SLC9C1: variants seen among roughly 807,000 people sequenced by gnomAD.
The protein encoded by SLC9C1 is solute carrier family 9 member C1.
A neutral mutation model predicts 140.9 loss-of-function variants in SLC9C1; 97 were observed. That is an observed-to-expected ratio of 0.69 (90% CI 0.58 to 0.82). SLC9C1 has a LOEUF of 0.82. Ranked by LOEUF, SLC9C1 falls within the 40% of genes least tolerant of loss-of-function variation. The pLI is 0.00. For synonymous variants in SLC9C1, 440 were observed against 442.6 expected (o/e 0.99, Z 0.07); for missense variants, 1,340 against 1,389.3 (o/e 0.96, Z 0.56).
intron 26 of SLC9C1, among the ~76,000 whole-genome samples, chr3:112,160,892 C>T (rs1259794124): frequency 6.6e-5 from 10 of 152,176 alleles, no homozygotes; most frequent in East Asian, 5.8e-4. Flanking sequence ...ACCAACAGTG[C>T]AAAAGTGTTC....
chr3:112,292,854 A>G (rs902518226), intron 1 of SLC9C1, among the ~76,000 whole-genome samples: 14 of 151,348 alleles, frequency 9.3e-5, no homozygotes, highest in Non-Finnish European at 1.8e-4. Context: ...CAGGTTTTCA[A>G]TATAATTAGA....
chr3:112,234,813 C>G (rs995740294), intron 12 of SLC9C1, among the ~76,000 whole-genome samples: 3 of 152,096 alleles, frequency 2.0e-5, no homozygotes, highest in Admixed American at 6.6e-5. Flanking sequence ...TTTCTGAGGA[C>G]TCTGTTCTGT....
At chr3:112,174,717 G>A (rs1389827077) in intron 23 of SLC9C1, among the ~76,000 whole-genome samples, 1 of 152,178 alleles carries the variant, frequency 6.6e-6, no homozygotes, top group African/African-American at 2.4e-5. Flanking sequence ...CCTTTCCAGT[G>A]TCAGGGCTGT....
intron 1 of SLC9C1, among the ~76,000 whole-genome samples, chr3:112,289,409 G>C (rs2080612854): frequency 6.6e-6 from 1 of 152,188 alleles, no homozygotes; most frequent in Non-Finnish European, 1.5e-5. Context: ...CCGTGATTGA[G>C]TATTCAATAA....
chr3:112,286,902 C>T, intron 1 of SLC9C1, 24 bp from the exon 2 acceptor site: 1 of 570,526 alleles, frequency 1.8e-6, no homozygotes, highest in Non-Finnish European at 2.8e-6. Flanking sequence ...GATTTGCCTT[C>T]TTGGTGGCCT....
chr3:112,156,925 C>T (rs1006223364), intron 26 of SLC9C1, among the ~76,000 whole-genome samples: 1 of 151,968 alleles, frequency 6.6e-6, no homozygotes, highest in African/African-American at 2.4e-5. Flanking sequence ...GTTATTAATA[C>T]CATGTCAGAT....
chr3:112,190,057 TGCTTGTG>T (rs2077621522), intron 20 of SLC9C1, among the ~76,000 whole-genome samples: 3 of 152,208 alleles, frequency 2.0e-5, no homozygotes, highest in Admixed American at 6.5e-5. Context: ...TGTATATGAA[TGCTTGTG>T]ATTTTTGCAC....
chr3:112,263,016 A>T lies in SLC9C1; in HGVS notation c.1105T>A (p.Cys369Ser). Reference protein sequence around the residue: ...FSWRWIFIMVCSEMKGMPNIN... With the variant: ...FSWRWIFIMVSSEMKGMPNIN... Reference sequence around the variant, plus strand: ...TTAGGCATCCCCTTCATTTCACTACAGACCATTATGAATATCCAGCGCCAA... The same window carrying T: ...TTAGGCATCCCCTTCATTTCACTACTGACCATTATGAATATCCAGCGCCAA... The change falls in exon 10 of 29, where the codon TGT becomes AGT. Residue 369 changes from cysteine (C) to serine (S), a missense_variant. Cys to Ser is a moderately radical substitution (Grantham distance 112). Transcript: ENST00000305815. 1 of 1,608,014 alleles carries T rather than the reference A, an allele frequency of 6.2e-7. No homozygotes were observed. Among genetic ancestry groups the T allele is most frequent in the Admixed American group, 1.7e-5 (1 of 59,346 alleles).
chr3:112,165,326 C>T (rs2087767), intron 26 of SLC9C1, among the ~76,000 whole-genome samples: 110 of 151,960 alleles, frequency 7.2e-4, no homozygotes, highest in African/African-American at 2.6e-3. Flanking sequence ...GAGCTGCATT[C>T]CTTTAGAGAA....
At chr3:112,182,542 A>G (rs1334862333) in intron 20 of SLC9C1, among the ~76,000 whole-genome samples, 3 of 152,168 alleles carry the variant, frequency 2.0e-5, no homozygotes, top group Non-Finnish European at 4.4e-5. Context: ...TTACCCAGGT[A>G]ATAAGTATGG....
chr3:112,220,874 GA>G (rs1190609215), intron 14 of SLC9C1, among the ~76,000 whole-genome samples: 2 of 152,040 alleles, frequency 1.3e-5, no homozygotes, highest in African/African-American at 4.8e-5. Context: ...AAGAACAAAA[GA>G]AAGTTTCAGT....
Position 112,161,944 on chromosome 3 carries a change from C to A in SLC9C1, c.3364+5277G>T, listed in dbSNP as rs532709122. Among the ~76,000 whole-genome samples the A allele has an allele frequency of 2.2e-4, 34 of 151,752 alleles. No homozygotes were observed. In the East Asian group the frequency reaches 5.0e-3, roughly 22 times the overall value. On this transcript the variant is annotated intron_variant, in intron 26 of 28. Coordinates refer to ENST00000305815, the MANE Select transcript of SLC9C1 (RefSeq NM_183061.3). ...ATTTGTTTGTATCCTCTTTTATTTC[C>A]TTGAGCAGTGGTTTGTAGTTCTCCG...
rs779358756 is a variant in SLC9C1 at position 112,263,108 on chromosome 3, A to G, written c.1023-10T>C. 9 of 1,556,828 alleles carry G rather than the reference A, an allele frequency of 5.8e-6. No homozygotes were observed. The East Asian group carries it at 1.6e-4, about 28-fold the overall frequency. On this transcript the variant is annotated splice_polypyrimidine_tract_variant and intron_variant, in intron 9 of 28. Coordinates refer to ENST00000305815, the MANE Select transcript of SLC9C1 (RefSeq NM_183061.3). ...AAGAAGGGTCAGAAATCTAAAAGAC[A>G]AAACAATTTTTACAAAGTTATTCTT...
chr3:112,217,315 C>T (rs547432464), intron 15 of SLC9C1, 127 bp downstream of exon 15: 4 of 1,093,106 alleles, frequency 3.7e-6, no homozygotes, highest in Non-Finnish European at 5.0e-6. Flanking sequence ...GTAACCTGCA[C>T]GTTGTGCACA....
chr3:112,231,227 A>C, intron 13 of SLC9C1, 134 bp downstream of exon 13: 1 of 958,138 alleles, frequency 1.0e-6, no homozygotes, highest in Admixed American at 3.0e-5. Context: ...GCAGATTCCT[A>C]AGACAATGTC....
intron 15 of SLC9C1, among the ~76,000 whole-genome samples, chr3:112,214,886 G>T (rs2078313084): frequency 6.8e-6 from 1 of 147,138 alleles, no homozygotes; most frequent in Admixed American, 6.9e-5. Context: ...AGATATCAAA[G>T]CCTGGCAGAG....
At chr3:112,141,400 G>T in intron 28 of SLC9C1, 119 bp from the exon 29 acceptor site, 1 of 996,802 alleles carries the variant, frequency 1.0e-6, no homozygotes, top group Non-Finnish European at 1.4e-6. Context: ...AGACACACTT[G>T]GTCATTTTTG....
intron 23 of SLC9C1, among the ~76,000 whole-genome samples, chr3:112,174,608 C>G (rs932412062): frequency 6.6e-6 from 1 of 152,164 alleles, no homozygotes; most frequent in East Asian, 1.9e-4. Context: ...CTTTCATGAG[C>G]TGGGGGCCCT....
chr3:112,217,990 T>G (rs1265507935), intron 14 of SLC9C1, among the ~76,000 whole-genome samples: 1 of 152,166 alleles, frequency 6.6e-6, no homozygotes, highest in Non-Finnish European at 1.5e-5. Context: ...TGGGAAAGCA[T>G]GTATAAAGCA....
Sources: allele counts gnomAD v4.1 joint callset (sites outside exome capture counted in the v4.1 genomes callset), GRCh38; gene constraint gnomAD v4.1.1; transcripts MANE v1.5; gene names NCBI Gene and HGNC (gene_info 2026-07-23, HGNC 2026-07-21).